Variants in ERBB4 observed in about 807,000 individuals in gnomAD.
ERBB4 encodes the protein erb-b2 receptor tyrosine kinase 4.
In ERBB4, 42 loss-of-function variants were observed where a neutral mutation model predicts 158.0. The ratio of observed to expected loss-of-function variants is 0.27; its 90% CI spans 0.21 to 0.34. The LOEUF is 0.34. Among genes scored for constraint, ERBB4 ranks in the 10% least tolerant of loss-of-function variants. ERBB4 has a pLI of 1.00. For synonymous variants in ERBB4, 583 were observed against 558.7 expected, an observed-to-expected ratio of 1.04 and a Z score of -0.61; for missense variants, 1,333 against 1,624.1, an observed-to-expected ratio of 0.82 and a Z score of 3.08.
At chr2:212,187,614 G>A (rs2082053544) in intron 1 of ERBB4, among the ~76,000 whole-genome samples, 1 of 151,960 alleles carries the variant, frequency 6.6e-6, no homozygotes, top group Admixed American at 6.6e-5. Context: ...AATTTTTTAA[G>A]AGCCAGCATT....
At chr2:212,345,639 G>T (rs1218504162) in intron 1 of ERBB4, among the ~76,000 whole-genome samples, 1 of 152,058 alleles carries the variant, frequency 6.6e-6, no homozygotes, top group East Asian at 1.9e-4. Flanking sequence ...TAAATAACAG[G>T]TATATAGTTA....
intron 3 of ERBB4, among the ~76,000 whole-genome samples, chr2:211,838,194 T>G (rs576883629): frequency 6.6e-6 from 1 of 152,066 alleles, no homozygotes; most frequent in South Asian, 2.1e-4. Context: ...CCCACTTGAG[T>G]GAGTTTATGA....
chr2:211,449,337 A>G (rs2064186885), intron 20 of ERBB4, among the ~76,000 whole-genome samples: 1 of 152,160 alleles, frequency 6.6e-6, no homozygotes, highest in African/African-American at 2.4e-5. Flanking sequence ...AATATTTTGT[A>G]TTTCACAACC....
chr2:211,653,890 T>A (rs7564513), intron 16 of ERBB4, among the ~76,000 whole-genome samples: 6 of 151,890 alleles, frequency 4.0e-5, no homozygotes, highest in Non-Finnish European at 5.9e-5. Flanking sequence ...TAGCCAGGCT[T>A]GTCTCGTTCG....
intron 19 of ERBB4, among the ~76,000 whole-genome samples, chr2:211,600,632 G>A (rs1234575183): frequency 1.3e-5 from 2 of 152,166 alleles, no homozygotes; most frequent in Non-Finnish European, 2.9e-5. Flanking sequence ...TGTACCAGGT[G>A]ACTAACTCCA....
intron 1 of ERBB4, among the ~76,000 whole-genome samples, chr2:212,259,547 T>C (rs2084858119): frequency 6.6e-6 from 1 of 152,180 alleles, no homozygotes; most frequent in African/African-American, 2.4e-5. Context: ...ATATTATAAC[T>C]AAAGCAAAAT....
chr2:211,542,623 T>C (rs2066839465), intron 20 of ERBB4, among the ~76,000 whole-genome samples: 2 of 152,040 alleles, frequency 1.3e-5, no homozygotes, highest in Non-Finnish European at 2.9e-5. Flanking sequence ...CCATTCACTT[T>C]AGAGAATTGA....
intron 1 of ERBB4, among the ~76,000 whole-genome samples, chr2:212,195,732 T>C (rs940200362): frequency 6.6e-6 from 1 of 152,082 alleles, no homozygotes; most frequent in African/African-American, 2.4e-5. Flanking sequence ...ACTTAATCTG[T>C]ATAAATAATA....
intron 1 of ERBB4, among the ~76,000 whole-genome samples, chr2:212,285,764 A>C (rs990258596): frequency 3.3e-5 from 5 of 152,230 alleles, no homozygotes; most frequent in African/African-American, 1.2e-4. Context: ...AAGAATTTGC[A>C]TCAATACCTA....
chr2:212,342,194 A>C (rs1343096964), intron 1 of ERBB4, among the ~76,000 whole-genome samples: 1 of 152,086 alleles, frequency 6.6e-6, no homozygotes, highest in Non-Finnish European at 1.5e-5. Context: ...AGAATTAAGA[A>C]CCTCACAAAT....
chr2:212,131,011 C>T (rs145718742), intron 1 of ERBB4, among the ~76,000 whole-genome samples: 154 of 152,234 alleles, frequency 1.0e-3, no homozygotes, highest in African/African-American at 3.5e-3. Flanking sequence ...ATTAAAAAAT[C>T]TAGCATTGCA....
At chr2:211,729,904 C>T (rs775343632) in intron 5 of ERBB4, among the ~76,000 whole-genome samples, 11 of 151,656 alleles carry the variant, frequency 7.3e-5, no homozygotes, top group South Asian at 2.1e-4. Flanking sequence ...TTTTCATTGG[C>T]GGTATGCACT....
At chr2:212,035,969 A>G (rs2077002778) in intron 2 of ERBB4, among the ~76,000 whole-genome samples, 1 of 152,232 alleles carries the variant, frequency 6.6e-6, no homozygotes, top group Non-Finnish European at 1.5e-5. Flanking sequence ...TAGTGATTGT[A>G]CATATGAACT....
intron 2 of ERBB4, among the ~76,000 whole-genome samples, chr2:212,041,556 A>G (rs2077141546): frequency 1.3e-5 from 2 of 152,158 alleles, no homozygotes; most frequent in South Asian, 4.1e-4. Flanking sequence ...ATAAAATTGA[A>G]AAAAGAAATA....
chr2:211,789,711 T>C (rs2076240544), intron 3 of ERBB4, among the ~76,000 whole-genome samples: 2 of 151,964 alleles, frequency 1.3e-5, no homozygotes, highest in South Asian at 4.1e-4. Flanking sequence ...ACCGACACCA[T>C]CTCCCACGGT....
At chr2:211,739,847 A>T (rs2074731686) in intron 5 of ERBB4, among the ~76,000 whole-genome samples, 1 of 152,148 alleles carries the variant, frequency 6.6e-6, no homozygotes, top group South Asian at 2.1e-4. Context: ...AAATATAGTT[A>T]AAAATATAGC....
intron 1 of ERBB4, among the ~76,000 whole-genome samples, chr2:212,325,200 T>C (rs1355795398): frequency 1.3e-5 from 2 of 150,788 alleles, no homozygotes; most frequent in Non-Finnish European, 3.0e-5. Context: ...TTTAATCTCT[T>C]ATAAACCTTA....
intron 1 of ERBB4, among the ~76,000 whole-genome samples, chr2:212,412,977 T>C (rs1292840819): frequency 6.6e-6 from 1 of 152,018 alleles, no homozygotes; most frequent in African/African-American, 2.4e-5. Context: ...TTTGTTTGTT[T>C]GTTTTTTTGA....
intron 19 of ERBB4, among the ~76,000 whole-genome samples, chr2:211,599,476 C>T (rs965626145): frequency 5.2e-5 from 4 of 77,296 alleles, no homozygotes; most frequent in Admixed American, 1.7e-4. Context: ...TAAGAAGATA[C>T]TCTTTGAGCT....
Sources: gnomAD v4.1 joint callset for allele counts (sites outside exome capture counted in the v4.1 genomes callset) on GRCh38, gnomAD v4.1.1 for gene constraint, MANE v1.5 for transcripts, NCBI Gene and HGNC (gene_info 2026-07-23, HGNC 2026-07-21) for gene names.